The following RASSF3 variants were observed in gnomAD, a reference collection of about 807,000 sequenced individuals.
The protein encoded by RASSF3 is ras association domain-containing protein 3.
In RASSF3, 19 loss-of-function variants were observed where a neutral mutation model predicts 19.9. The ratio of observed to expected loss-of-function variants is 0.96; its 90% CI spans 0.67 to 1.40. The LOEUF (loss-of-function observed/expected upper bound fraction) is 1.40, where lower values mean the gene tolerates loss of function less well. RASSF3 is among the 40% of genes most tolerant of loss of function. RASSF3 has a pLI of 0.00. For missense variants in RASSF3, 306 were observed against 289.8 expected, an observed-to-expected ratio of 1.06 and a Z score of -0.41; for synonymous variants, 110 against 104.2, an observed-to-expected ratio of 1.06 and a Z score of -0.34.
intron 1 of RASSF3, among the ~76,000 whole-genome samples, chr12:64,652,950 G>A (rs1872015653): frequency 6.6e-6 from 1 of 152,118 alleles, no homozygotes; most frequent in African/African-American, 2.4e-5. Flanking sequence ...TTGGCAGGGT[G>A]GCTTCCTTCT....
chr12:64,577,517 G>A (rs988789280), intron 2 of RASSF3, among the ~76,000 whole-genome samples: 15 of 152,282 alleles, frequency 9.9e-5, no homozygotes, highest in Non-Finnish European at 1.8e-4. Flanking sequence ...GATCACCTGG[G>A]GTCAGGAGTT....
chr12:64,637,786 T>A (rs12368329), intron 1 of RASSF3, among the ~76,000 whole-genome samples: 18,085 of 151,816 alleles, frequency 0.12, 1,295 homozygotes, highest in Middle Eastern at 0.17. Flanking sequence ...ACTGGGCTGG[T>A]TCTAAAATTA....
At chr12:64,588,810 TG>T (rs1453758493) in intron 2 of RASSF3, among the ~76,000 whole-genome samples, 1 of 152,190 alleles carries the variant, frequency 6.6e-6, no homozygotes, top group African/African-American at 2.4e-5. Flanking sequence ...TTAAGTAAGA[TG>T]ACTTTTTCCA....
At chr12:64,515,203 T>G (rs1476622288) in intron 1 of RASSF3, among the ~76,000 whole-genome samples, 1 of 151,910 alleles carries the variant, frequency 6.6e-6, no homozygotes, top group Non-Finnish European at 1.5e-5. Flanking sequence ...ATTATAGGCG[T>G]CCACCACCAC....
chr12:64,667,151 G>A (rs1413845158), intron 1 of RASSF3, among the ~76,000 whole-genome samples: 1 of 151,994 alleles, frequency 6.6e-6, no homozygotes, highest in Non-Finnish European at 1.5e-5. Flanking sequence ...TCTGCATTGG[G>A]AATTTCTAAG....
At chr12:64,579,737 C>T (rs1407130336) in intron 2 of RASSF3, among the ~76,000 whole-genome samples, 1 of 151,260 alleles carries the variant, frequency 6.6e-6, no homozygotes, top group Non-Finnish European at 1.5e-5. Flanking sequence ...TGTCTTTTTC[C>T]AGAAACTATA....
At chr12:64,611,551 C>T (rs1355355702) in intron 1 of RASSF3, 1 of 152,264 alleles carries the variant, frequency 6.6e-6, no homozygotes, top group Non-Finnish European at 1.5e-5. Flanking sequence ...GTCGGCTGGA[C>T]TGAGGAGCCC....
At chr12:64,619,324 C>A (rs1409486806) in intron 1 of RASSF3, among the ~76,000 whole-genome samples, 3 of 151,308 alleles carry the variant, frequency 2.0e-5, no homozygotes, top group Admixed American at 6.6e-5. Flanking sequence ...GTGTGGGGAA[C>A]TTCCCTTTTT....
chr12:64,548,036 T>A (rs1411393972), intron 2 of RASSF3, among the ~76,000 whole-genome samples: 1 of 152,172 alleles, frequency 6.6e-6, no homozygotes, highest in Admixed American at 6.6e-5. Context: ...CAGACATAGA[T>A]ATGTTTTCAC....
chr12:64,642,615 CAA>C (rs948705753), intron 1 of RASSF3, among the ~76,000 whole-genome samples: 1 of 93,250 alleles, frequency 1.1e-5, no homozygotes, highest in East Asian at 3.4e-4. Context: ...GTAATTAATA[CAA>C]AGTTTTGTAA....
chr12:64,599,440 C>T (rs965427076), intron 2 of RASSF3, among the ~76,000 whole-genome samples: 5 of 152,218 alleles, frequency 3.3e-5, no homozygotes, highest in Non-Finnish European at 7.3e-5. Context: ...AATCTTTTCT[C>T]TCATTTAAAA....
chr12:64,599,595 C>T (rs1001496592), intron 2 of RASSF3, among the ~76,000 whole-genome samples: 1 of 152,094 alleles, frequency 6.6e-6, no homozygotes, highest in Non-Finnish European at 1.5e-5. Flanking sequence ...TGGCTGAGCC[C>T]GAAGGCTGTG....
At chr12:64,563,818 C>G in intron 2 of RASSF3, among the ~76,000 whole-genome samples, 1 of 152,210 alleles carries the variant, frequency 6.6e-6, no homozygotes, top group Non-Finnish European at 1.5e-5. Context: ...ACTAAAGCAG[C>G]CTCCACACTA....
intron 1 of RASSF3, among the ~76,000 whole-genome samples, chr12:64,540,182 A>G (rs1868912281): frequency 6.6e-6 from 1 of 152,206 alleles, no homozygotes; most frequent in African/African-American, 2.4e-5. Context: ...GAAGTTTACA[A>G]CTGAAGCCAA....
intron 2 of RASSF3, among the ~76,000 whole-genome samples, chr12:64,584,608 CTG>C (rs1869762518): frequency 6.6e-6 from 1 of 151,302 alleles, no homozygotes; most frequent in Non-Finnish European, 1.5e-5. Flanking sequence ...ATCTTCATGA[CTG>C]TGTCCTTTCC....
intron 1 of RASSF3, among the ~76,000 whole-genome samples, chr12:64,631,558 TG>T (rs1871167688): frequency 6.6e-6 from 1 of 151,706 alleles, no homozygotes; most frequent in East Asian, 1.9e-4. Flanking sequence ...TATGTATGTA[TG>T]TATGTATGTA....
intron 1 of RASSF3, among the ~76,000 whole-genome samples, chr12:64,639,285 T>C (rs1871429401): frequency 6.6e-6 from 1 of 152,192 alleles, no homozygotes; most frequent in South Asian, 2.1e-4. Context: ...ATTTAAATAA[T>C]AAATAATAAT....
At chr12:64,629,010 C>T (rs1055848361) in intron 1 of RASSF3, among the ~76,000 whole-genome samples, 2 of 152,046 alleles carry the variant, frequency 1.3e-5, no homozygotes, top group African/African-American at 4.8e-5. Flanking sequence ...ACACAGCTCA[C>T]CACAGCCTTC....
chr12:64,621,039 G>A (rs1416720418), intron 1 of RASSF3, among the ~76,000 whole-genome samples: 1 of 152,052 alleles, frequency 6.6e-6, no homozygotes, highest in Non-Finnish European at 1.5e-5. Flanking sequence ...AGGTTCAAGA[G>A]ATTCTCCTGC....
Sources: allele counts gnomAD v4.1 joint callset (sites outside exome capture counted in the v4.1 genomes callset), GRCh38; gene constraint gnomAD v4.1.1; transcripts MANE v1.5; gene names NCBI Gene and HGNC (gene_info 2026-07-23, HGNC 2026-07-21).